The following ARRB1 variants were observed in gnomAD, a reference collection of about 807,000 sequenced individuals.
The protein encoded by ARRB1 is beta-arrestin-1.
A neutral mutation model predicts 56.8 loss-of-function variants in ARRB1; 21 were observed. The observed-to-expected ratio is 0.37, with a 90% CI of 0.26 to 0.53. The LOEUF is 0.53. Ranked by LOEUF, ARRB1 falls within the 20% of genes least tolerant of loss-of-function variation. The pLI is 0.88. For missense variants in ARRB1, 424 were observed against 553.7 expected (o/e 0.77, Z 2.35); for synonymous variants, 210 against 218.6 (o/e 0.96, Z 0.35).
intron 1 of ARRB1, among the ~76,000 whole-genome samples, chr11:75,346,452 G>A (rs766425946): frequency 7.2e-5 from 11 of 151,920 alleles, no homozygotes; most frequent in Non-Finnish European, 1.2e-4. Flanking sequence ...ACTGCCTGCC[G>A]CCATACTGCT....
At chr11:75,327,054 C>G (rs1191517920) in intron 1 of ARRB1, among the ~76,000 whole-genome samples, 1 of 151,880 alleles carries the variant, frequency 6.6e-6, no homozygotes. Flanking sequence ...GTGGCTCACG[C>G]CTGTAATCCC....
At chr11:75,269,730 T>C (rs912174830) in intron 13 of ARRB1, among the ~76,000 whole-genome samples, 3 of 152,212 alleles carry the variant, frequency 2.0e-5, no homozygotes, top group African/African-American at 4.8e-5. Context: ...TTATCCCCAA[T>C]GTACAGACTG....
At chr11:75,278,463 T>C (rs1430271473) in intron 8 of ARRB1, 146 bp downstream of exon 8, 6 of 1,186,742 alleles carry the variant, frequency 5.1e-6, no homozygotes, top group Non-Finnish European at 6.9e-6. Context: ...CCATGAGAGG[T>C]CTCAGATTCC....
At chr11:75,291,046 C>T (rs1203220003) in intron 1 of ARRB1, among the ~76,000 whole-genome samples, 2 of 152,212 alleles carry the variant, frequency 1.3e-5, no homozygotes, top group Admixed American at 6.5e-5. Context: ...AACAGCACTG[C>T]AATCATTGTT....
intron 11 of ARRB1, 82 bp from the exon 12 acceptor site, chr11:75,273,060 G>A: frequency 8.3e-7 from 1 of 1,207,028 alleles, no homozygotes; most frequent in Non-Finnish European, 1.2e-6. Context: ...CTGGGGGGCA[G>A]TGGCCGTCCA....
intron 10 of ARRB1, chr11:75,274,586 TG>T (rs1337928685): frequency 5.8e-6 from 1 of 170,988 alleles, no homozygotes. Flanking sequence ...GGTCAGGAGT[TG>T]GAGACCATCC....
intron 11 of ARRB1, 23 bp from the exon 12 acceptor site, chr11:75,273,001 C>G (rs781006859): frequency 1.2e-6 from 2 of 1,611,480 alleles, no homozygotes; most frequent in Non-Finnish European, 1.7e-6. Context: ...ACAGGGGAGC[C>G]AGTTCAGGGG....
chr11:75,326,601 T>C (rs1339525520), intron 1 of ARRB1, among the ~76,000 whole-genome samples: 2 of 152,002 alleles, frequency 1.3e-5, no homozygotes, highest in African/African-American at 4.8e-5. Context: ...TGCCTCCCAC[T>C]CAGCACCCTT....
intron 1 of ARRB1, among the ~76,000 whole-genome samples, chr11:75,304,750 C>T (rs192974854): frequency 7.9e-5 from 12 of 151,702 alleles, no homozygotes; most frequent in Admixed American, 5.9e-4. Context: ...ATCTCCAGAC[C>T]AAAATGTTAT....
intron 3 of ARRB1, among the ~76,000 whole-genome samples, chr11:75,286,094 AGCCCAG>A (rs1946464826): frequency 6.6e-6 from 1 of 151,912 alleles, no homozygotes; most frequent in African/African-American, 2.4e-5. Context: ...TGGCCCTGGG[AGCCCAG>A]GGTCCCCAGG....
At chr11:75,329,181 G>A (rs1947483602) in intron 1 of ARRB1, among the ~76,000 whole-genome samples, 2 of 147,758 alleles carry the variant, frequency 1.4e-5, no homozygotes. Context: ...GCTCACTGCA[G>A]CCTCAACATC....
In ARRB1 at chr11:75,266,210, C is replaced by T. The variant is rs765964025; in HGVS notation, c.1210G>A (p.Glu404Lys). The T allele has an allele frequency of 2.5e-6, 4 of 1,614,130 alleles. No homozygotes were observed. The highest frequency in any genetic ancestry group is 8.5e-7 in the Non-Finnish European group (1 of 1,180,048). Residue 404 changes from glutamate to lysine, a missense_variant, in exon 16 of 16, where the codon GAG (glutamate) becomes AAG (lysine). Physicochemically the swap from Glu to Lys is moderately conservative, Grantham distance 56. Transcript: ENST00000420843. Reference sequence around the variant, plus strand: ...GAGCCGGTACCATCCTCCTCTTCCTCCTTGTCATCCTTCATGCCTTTCAGT... The same window carrying T: ...GAGCCGGTACCATCCTCCTCTTCCTTCTTGTCATCCTTCATGCCTTTCAGT... ...QRLKGMKDDK[E>K]EEEDGTGSPQ... is the part of the protein sequence containing the mutation.
rs371282219 is a variant in ARRB1, at chr11:75,265,876, A to G, written c.*287T>C. The G allele has an allele frequency of 8.9e-4, 393 of 443,642 alleles. 6 individuals carry two copies. Among genetic ancestry groups the G allele is most frequent in the South Asian group, 7.0e-3 (296 of 42,020 alleles). 27.5% of individuals were successfully genotyped at this position (443,642 alleles called of 1,614,324 possible). On this transcript the variant is annotated 3_prime_UTR_variant, in exon 16 of 16. Coordinates refer to ENST00000420843, the MANE Select transcript of ARRB1 (RefSeq NM_004041.5). The stretch of plus-strand genomic sequence containing the variant: ...CTGTCTGCTCCCCATCTCAAGTCCA[A>G]TTCCAAGGCCAGAGCCCTGGCAGCT...
chr11:75,302,211 T>A (rs1164999723), intron 1 of ARRB1, among the ~76,000 whole-genome samples: 1 of 152,222 alleles, frequency 6.6e-6, no homozygotes, highest in Non-Finnish European at 1.5e-5. Flanking sequence ...TGAGGGGTTC[T>A]GGCCAAGTCA....
In ARRB1 at chr11:75,332,819, C is replaced by T. The variant is rs530428986; in HGVS notation, c.20+18769G>A. On this transcript the variant is annotated intron_variant, in intron 1 of 15. Transcript: ENST00000420843. ...CTGAGGCAGGAGAATCACTTGAACC[C>T]GGGAGGCGGAGGTTGCAGTAAGCTG... is the stretch of plus-strand genomic sequence containing the variant. 4.6e-5 allele frequency among the ~76,000 whole-genome samples: 7 copies of T among 152,036 alleles called. No individual in the cohort carries two copies. In the South Asian group the frequency reaches 1.5e-3, roughly 32 times the overall value.
chr11:75,268,437 G>A lies in ARRB1; in HGVS notation c.1093+452C>T, dbSNP rs1374757381. 6.0e-5 allele frequency among the ~76,000 whole-genome samples: 9 copies of A among 150,698 alleles called. No individual in the cohort carries two copies. The East Asian group carries it at 1.4e-3, about 23-fold the overall frequency. ...GGAGAATCTCTTGAGCCTGGGAGGC[G>A]GAGGTTGCAGTGAGCTAAGATCACG... On this transcript the variant is annotated intron_variant, in intron 14 of 15. Transcript: ENST00000420843.
Position 75,261,181 on chromosome 11 carries a change from CGTGT to C in ARRB1, c.*4978_*4981del, listed in dbSNP as rs3837388. 12,224 of 141,634 alleles carry C rather than the reference CGTGT, an allele frequency of 0.086. 603 individuals carry two copies. The highest frequency in any genetic ancestry group is 0.15 in the African/African-American group (5,833 of 38,218). The allele number at this position is 141,634 out of a possible 1,614,324, so 8.8% of individuals were successfully genotyped here. A position where few individuals can be genotyped will look rare whatever the true frequency, so the allele number is the denominator to read the frequency against. On this transcript the variant is annotated 3_prime_UTR_variant, in exon 16 of 16. Coordinates refer to ENST00000420843, the MANE Select transcript of ARRB1 (RefSeq NM_004041.5). ...GGCTAGAAAAACCATCAACTATGTACGTGTGTGTGTGTGTGTGTGTGTGTGTGTG... is the reference window on the plus strand; with the variant it reads ...GGCTAGAAAAACCATCAACTATGTACGTGTGTGTGTGTGTGTGTGTGTGTG...
chr11:75,300,892 C>CA (rs1041099175), intron 1 of ARRB1, among the ~76,000 whole-genome samples: 2 of 143,900 alleles, frequency 1.4e-5, no homozygotes, highest in Admixed American at 7.0e-5. Flanking sequence ...GGCGTGAACC[C>CA]GGGAGGCGGA....
chr11:75,283,507 G>A (rs753541534), intron 4 of ARRB1, 24 bp from the exon 5 acceptor site: 6 of 1,579,050 alleles, frequency 3.8e-6, no homozygotes, highest in African/African-American at 1.3e-5. Flanking sequence ...GGAGCACTGA[G>A]GAGGGGCCTG....
Sources: allele counts gnomAD v4.1 joint callset (sites outside exome capture counted in the v4.1 genomes callset), GRCh38; gene constraint gnomAD v4.1.1; transcripts MANE v1.5; gene names NCBI Gene and HGNC (gene_info 2026-07-23, HGNC 2026-07-21).